MEI1: variants seen among roughly 807,000 people sequenced by gnomAD.
The protein encoded by MEI1 is meiotic double-stranded break formation protein 1, also known as meiosis inhibitor protein 1.
MEI1 carries 103 observed loss-of-function variants against 146.2 expected under a neutral mutation model. The observed-to-expected ratio is 0.70, with a 90% CI of 0.60 to 0.83. The LOEUF (loss-of-function observed/expected upper bound fraction) is 0.83. Ranked by LOEUF, MEI1 falls within the 40% of genes least tolerant of loss-of-function variation. The pLI is 0.00. For synonymous variants in MEI1, 652 were observed against 628.2 expected, an observed-to-expected ratio of 1.04 and a Z score of -0.57; for missense variants, 1,529 against 1,533.0, an observed-to-expected ratio of 1.00 and a Z score of 0.04.
chr22:41,792,391 C>T (rs941584032), intron 26 of MEI1, among the ~76,000 whole-genome samples: 2 of 152,208 alleles, frequency 1.3e-5, no homozygotes, highest in African/African-American at 4.8e-5. Context: ...CCTGCCCAGC[C>T]TCTGACTTGA....
At chr22:41,792,638 G>A (rs1015542536) in intron 26 of MEI1, among the ~76,000 whole-genome samples, 1 of 152,048 alleles carries the variant, frequency 6.6e-6, no homozygotes, top group African/African-American at 2.4e-5. Flanking sequence ...GAGTGATAAG[G>A]GTGGTTATGG....
In MEI1 at chr22:41,716,355, C is replaced by CTTTTTTTT. The variant is rs6147630; in HGVS notation, c.529+240_529+247dup. The stretch of plus-strand genomic sequence containing the variant: ...TATTCTTGGACTATTTCCATTCATT[C>CTTTTTTTT]TTTTTTTTTTTTTTTTTTTTTTTTT... On this transcript the variant is annotated intron_variant, in intron 5 of 30. Coordinates refer to ENST00000401548, the MANE Select transcript of MEI1 (RefSeq NM_152513.4). 1.0e-3 allele frequency among the ~76,000 whole-genome samples: 124 copies of CTTTTTTTT among 118,530 alleles called. 9 individuals are homozygous for CTTTTTTTT. Among genetic ancestry groups the CTTTTTTTT allele is most frequent in the Admixed American group, 1.9e-3 (19 of 9,802 alleles). The allele number at this position is 118,530 out of a possible 152,430, so 77.8% of individuals were successfully genotyped here.
At position 41,717,988 on chromosome 22, in the gene MEI1, C is replaced by T. The variant is rs545261330; in HGVS notation, c.530-83C>T. ...ATTATAGGGACTTACCATTACTACCCCGTTAGGAATAATAGATTGGAGTTT... is the reference window on the plus strand; with the variant it reads ...ATTATAGGGACTTACCATTACTACCTCGTTAGGAATAATAGATTGGAGTTT... On this transcript the variant is annotated intron_variant, in intron 5 of 30. Transcript: ENST00000401548. 4.4e-6 allele frequency: 5 copies of T among 1,142,768 alleles called. No homozygotes were observed. The South Asian group carries it at 7.8e-5, about 18-fold the overall frequency. The allele number at this position is 1,142,768 out of a possible 1,614,324, so 70.8% of individuals were successfully genotyped here.
At chr22:41,718,963 C>G (rs1482816428) in intron 6 of MEI1, among the ~76,000 whole-genome samples, 1 of 151,412 alleles carries the variant, frequency 6.6e-6, no homozygotes, top group African/African-American at 2.4e-5. Flanking sequence ...CCTCTACCTC[C>G]CCGGTTCAAG....
At chr22:41,791,165 A>G (rs1226525981) in intron 26 of MEI1, among the ~76,000 whole-genome samples, 1 of 152,180 alleles carries the variant, frequency 6.6e-6, no homozygotes, top group African/African-American at 2.4e-5. Flanking sequence ...GAACTGTGGA[A>G]GGACATCTAT....
At chr22:41,755,105 A>G (rs2074005548) in intron 17 of MEI1, among the ~76,000 whole-genome samples, 2 of 152,188 alleles carry the variant, frequency 1.3e-5, no homozygotes, top group African/African-American at 4.8e-5. Context: ...GCTACCTGCC[A>G]GGGGAGGCCT....
chr22:41,760,951 C>G (rs970124280), intron 18 of MEI1, among the ~76,000 whole-genome samples: 1 of 139,628 alleles, frequency 7.2e-6, no homozygotes, highest in South Asian at 2.1e-4. Flanking sequence ...GCTTTGATTT[C>G]ACTTCTTTGT....
intron 6 of MEI1, among the ~76,000 whole-genome samples, chr22:41,720,226 C>T (rs993053511): frequency 1.3e-5 from 2 of 152,036 alleles, no homozygotes; most frequent in African/African-American, 2.4e-5. Context: ...GGCAGAAACA[C>T]GGGCCAGAGC....
At chr22:41,785,887 A>AT (rs1156828948) in intron 26 of MEI1, among the ~76,000 whole-genome samples, 7 of 129,704 alleles carry the variant, frequency 5.4e-5, no homozygotes, top group Admixed American at 1.9e-4. Flanking sequence ...TTATTTTTTT[A>AT]TTTTTTTATT....
At chr22:41,778,280 C>T (rs370135932) in intron 21 of MEI1, among the ~76,000 whole-genome samples, 8 of 146,534 alleles carry the variant, frequency 5.5e-5, no homozygotes, top group African/African-American at 2.0e-4. Context: ...TACCAAAGGC[C>T]TCACTTCCTA....
intron 7 of MEI1, among the ~76,000 whole-genome samples, chr22:41,725,921 G>A (rs978410522): frequency 6.6e-6 from 1 of 152,196 alleles, no homozygotes; most frequent in African/African-American, 2.4e-5. Context: ...TGATAGCAGG[G>A]GTTGATTGCC....
At chr22:41,752,339 A>G in intron 15 of MEI1, 1 of 471,774 alleles carries the variant, frequency 2.1e-6, no homozygotes, top group South Asian at 2.8e-5. Context: ...TGAGCCAAGT[A>G]TTTGTTAGAT....
chr22:41,703,888 A>G (rs1317048435), intron 2 of MEI1, among the ~76,000 whole-genome samples: 1 of 152,188 alleles, frequency 6.6e-6, no homozygotes, highest in African/African-American at 2.4e-5. Context: ...TGGGAGGCCG[A>G]GGCATGAGAA....
In MEI1 at chr22:41,781,179, C is replaced by CT. The variant is rs1362503684; in HGVS notation, c.2816-103dup. 1.2e-5 allele frequency: 9 copies of CT among 768,054 alleles called. No individual in the cohort carries two copies. The African/African-American group carries it at 1.4e-4, about 12-fold the overall frequency. The allele number at this position is 768,054 out of a possible 1,614,324, so 47.6% of individuals were successfully genotyped here. A position where few individuals can be genotyped will look rare whatever the true frequency, so the allele number is the denominator to read the frequency against. On this transcript the variant is annotated intron_variant, in intron 22 of 30. Coordinates refer to ENST00000401548, the MANE Select transcript of MEI1 (RefSeq NM_152513.4). Reference sequence around the variant, plus strand: ...TAATATCAGGGATACTTAGTTTGTGCTTGCTCCCCAAGACTGACATCTGAA... The same window carrying CT: ...TAATATCAGGGATACTTAGTTTGTGCTTTGCTCCCCAAGACTGACATCTGAA...
intron 26 of MEI1, among the ~76,000 whole-genome samples, chr22:41,785,622 G>A (rs1401589865): frequency 3.3e-5 from 5 of 150,958 alleles, no homozygotes; most frequent in Non-Finnish European, 5.9e-5. Flanking sequence ...GGAGTGCAAT[G>A]GTGCAATCTT....
intron 20 of MEI1, among the ~76,000 whole-genome samples, chr22:41,773,286 A>C (rs992049344): frequency 9.2e-5 from 14 of 152,344 alleles, no homozygotes; most frequent in Admixed American, 7.2e-4. Flanking sequence ...ATAGAGGACT[A>C]GGAAGATAGA....
chr22:41,775,061 C>T (rs1015038874), intron 20 of MEI1, among the ~76,000 whole-genome samples: 1 of 152,198 alleles, frequency 6.6e-6, no homozygotes, highest in African/African-American at 2.4e-5. Flanking sequence ...AGCGCATTAG[C>T]CTGTCCAAAG....
intron 30 of MEI1, among the ~76,000 whole-genome samples, chr22:41,798,584 AAAG>A (rs1188975519): frequency 6.7e-6 from 1 of 149,980 alleles, no homozygotes. Context: ...TCTCAAAAAA[AAAG>A]AAAGCTTGGG....
At chr22:41,785,332 G>A (rs1291620049) in intron 26 of MEI1, among the ~76,000 whole-genome samples, 2 of 151,044 alleles carry the variant, frequency 1.3e-5, no homozygotes, top group South Asian at 2.1e-4. Context: ...GCGTGATCTC[G>A]ACTCACTGCA....
Sources: gnomAD v4.1 joint callset for allele counts (sites outside exome capture counted in the v4.1 genomes callset) on GRCh38, gnomAD v4.1.1 for gene constraint, MANE v1.5 for transcripts, NCBI Gene and HGNC (gene_info 2026-07-23, HGNC 2026-07-21) for gene names.